Variants in USP6NL observed in about 807,000 individuals in gnomAD.
USP6NL encodes the protein USP6 N-terminal-like protein.
In USP6NL, 26 loss-of-function variants were observed where a neutral mutation model predicts 61.9. The ratio of observed to expected loss-of-function variants is 0.42; its 90% CI spans 0.31 to 0.58. The LOEUF (loss-of-function observed/expected upper bound fraction) is 0.58. Among genes scored for constraint, USP6NL ranks in the 20% least tolerant of loss-of-function variants. The probability of loss-of-function intolerance (pLI) is 0.16; values close to 1 mark genes in which losing one functional copy is unlikely to be tolerated. For synonymous variants in USP6NL, 432 were observed against 390.1 expected (o/e 1.11, Z -1.27); for missense variants, 1,114 against 1,034.3 (o/e 1.08, Z -1.06).
At chr10:11,475,483 C>A (rs1321600764) in intron 14 of USP6NL, among the ~76,000 whole-genome samples, 1 of 149,980 alleles carries the variant, frequency 6.7e-6, no homozygotes, top group African/African-American at 2.5e-5. Context: ...ATAATCCCAG[C>A]TATTTGGGAG....
Position 11,463,040 on chromosome 10 carries a change from G to A in USP6NL, c.1888C>T (p.Pro630Ser). The change falls in exon 15 of 15, where the codon CCC (proline) becomes TCC (serine). Residue 630 changes from proline (P) to serine (S), a missense_variant. By Grantham distance (74) the Pro-to-Ser change is moderately conservative. Transcript: ENST00000609104. The surrounding 1 kb of genome is among the most constrained non-coding windows in gnomAD (Gnocchi z 6.3). ...DGEARGLAHP[P>S]SYSNPPVYHG... Reference sequence around the variant, plus strand: ...TAAACGGGGGGATTGCTGTAGGAGGGGGGATGAGCTAGCCCTCGGGCTTCC... The same window carrying A: ...TAAACGGGGGGATTGCTGTAGGAGGAGGGATGAGCTAGCCCTCGGGCTTCC... The A allele has an allele frequency of 6.2e-7, 1 of 1,613,984 alleles. No individual in the cohort carries two copies. Among genetic ancestry groups the A allele is most frequent in the Non-Finnish European group, 8.5e-7 (1 of 1,179,890 alleles).
chr10:11,576,245 G>A (rs948080090), intron 2 of USP6NL, among the ~76,000 whole-genome samples: 1 of 152,160 alleles, frequency 6.6e-6, no homozygotes, highest in African/African-American at 2.4e-5. Context: ...TAAAAAATTA[G>A]ATCCTGACTC....
chr10:11,587,501 C>A lies in USP6NL; in HGVS notation c.4+10130G>T, dbSNP rs1838016401. ...TAATATGACCCATAAATCTCTACAG[C>A]CTAATCAGAATCAGAGTCTTAAAAT... is the stretch of plus-strand genomic sequence containing the variant. On this transcript the variant is annotated intron_variant, in intron 2 of 14. Coordinates refer to ENST00000609104, the MANE Select transcript of USP6NL (RefSeq NM_014688.5). This position sits in a 1 kb window ranked among gnomAD's most constrained non-coding sequence, Gnocchi z 4.5. 6.6e-6 allele frequency among the ~76,000 whole-genome samples: 1 copy of A among 152,104 alleles called. No individual in the cohort carries two copies. Among genetic ancestry groups the A allele is most frequent in the Non-Finnish European group, 1.5e-5 (1 of 68,010 alleles).
rs1591837373 is a variant in USP6NL at position 11,490,763 on chromosome 10, G to A, written c.543+69C>T. On this transcript the variant is annotated intron_variant, in intron 9 of 14. Transcript: ENST00000609104. The surrounding 1 kb of genome is among the most constrained non-coding windows in gnomAD (Gnocchi z 4.5). ...TCTGAGATGCAGAAATGTGCCCACA[G>A]GGCCCTGCTAAGTAGGGAGTACCTC... 3.4e-6 allele frequency: 5 copies of A among 1,450,144 alleles called. No individual in the cohort carries two copies. Among genetic ancestry groups the A allele is most frequent in the Admixed American group, 2.3e-5 (1 of 42,656 alleles). 89.8% of individuals were successfully genotyped at this position (1,450,144 alleles called of 1,614,324 possible). A position where few individuals can be genotyped will look rare whatever the true frequency, so the allele number is the denominator to read the frequency against.
intron 2 of USP6NL, among the ~76,000 whole-genome samples, chr10:11,554,108 A>T (rs1182426617): frequency 6.6e-6 from 1 of 152,176 alleles, no homozygotes; most frequent in Non-Finnish European, 1.5e-5. Context: ...TCCAGCCATC[A>T]CATTTGTATT....
chr10:11,582,350 C>G (rs980719252), intron 2 of USP6NL, among the ~76,000 whole-genome samples: 1 of 152,244 alleles, frequency 6.6e-6, no homozygotes, highest in African/African-American at 2.4e-5. Context: ...ATCCGCCCGC[C>G]TCAGTCTCCC....
chr10:11,521,299 TTATA>T (rs910894173), intron 4 of USP6NL, among the ~76,000 whole-genome samples: 8 of 147,790 alleles, frequency 5.4e-5, no homozygotes, highest in African/African-American at 9.8e-5. Context: ...GTAATCAAAA[TTATA>T]TATATAATAT....
At chr10:11,477,934 A>T (rs1251153620) in intron 14 of USP6NL, among the ~76,000 whole-genome samples, 1 of 152,248 alleles carries the variant, frequency 6.6e-6, no homozygotes, top group Non-Finnish European at 1.5e-5. Flanking sequence ...AATACTTTCT[A>T]GCTATTTTCT....
chr10:11,590,879 C>T (rs544653159), intron 2 of USP6NL, among the ~76,000 whole-genome samples: 2 of 152,060 alleles, frequency 1.3e-5, no homozygotes, highest in African/African-American at 4.8e-5. Context: ...GCCCCCAAAC[C>T]CTGAAAACTG....
intron 5 of USP6NL, among the ~76,000 whole-genome samples, chr10:11,514,319 G>T (rs1308565511): frequency 2.6e-5 from 4 of 151,700 alleles, no homozygotes; most frequent in Non-Finnish European, 5.9e-5. Flanking sequence ...AATCAATTAT[G>T]ACTGTGATGG....
At position 11,481,740 on chromosome 10, in the gene USP6NL, G is replaced by A. The variant is rs368621569; in HGVS notation, c.1078+30C>T. On this transcript the variant is annotated intron_variant, in intron 14 of 14. Coordinates refer to ENST00000609104, the MANE Select transcript of USP6NL (RefSeq NM_014688.5). This position sits in a 1 kb window ranked among gnomAD's most constrained non-coding sequence, Gnocchi z 4.4. Reference sequence around the variant, plus strand: ...CATGTCTTCCAATCTTAATTATAACGTAGATATAAAGTATTGGGGTAATTC... The same window carrying A: ...CATGTCTTCCAATCTTAATTATAACATAGATATAAAGTATTGGGGTAATTC... 4.6e-5 allele frequency: 72 copies of A among 1,566,078 alleles called. No homozygotes were observed. In the East Asian group the frequency reaches 5.6e-4, roughly 12 times the overall value.
intron 2 of USP6NL, among the ~76,000 whole-genome samples, chr10:11,558,339 T>G (rs1836796662): frequency 1.3e-5 from 2 of 152,222 alleles, no homozygotes; most frequent in African/African-American, 4.8e-5. Flanking sequence ...GTTCTGGCCC[T>G]TACTAAAAAG....
chr10:11,548,418 CTT>C lies in USP6NL; in HGVS notation c.5-20853_5-20852del, dbSNP rs953971593. ...CTTAATTAAAATATCTCAGACCTCT[CTT>C]AGAAGCTTTCTCAATCTCAATACAG... On this transcript the variant is annotated intron_variant, in intron 2 of 14. Transcript: ENST00000609104. The surrounding 1 kb of genome is among the most constrained non-coding windows in gnomAD (Gnocchi z 4.3). Among the ~76,000 whole-genome samples the C allele has an allele frequency of 3.9e-5, 6 of 152,152 alleles. No homozygotes were observed. Among genetic ancestry groups the C allele is most frequent in the African/African-American group, 1.4e-4 (6 of 41,448 alleles).
At chr10:11,580,185 T>A (rs552444370) in intron 2 of USP6NL, among the ~76,000 whole-genome samples, 1 of 152,318 alleles carries the variant, frequency 6.6e-6, no homozygotes, top group East Asian at 1.9e-4. Context: ...CTGAGTAACA[T>A]CTGAAGCTTT....
rs1306147500 is a variant in USP6NL, at chr10:11,549,043, C to T, written c.5-21476G>A. 5.1e-4 allele frequency among the ~76,000 whole-genome samples: 77 copies of T among 152,108 alleles called. 2 individuals carry two copies. Among genetic ancestry groups the T allele is most frequent in the Admixed American group, 4.9e-3 (75 of 15,268 alleles). ...ACCAGAATCTACCCATGCTTCTCTTCGGAGTCTAGTCTTCTGGTACCTTTT... is the reference window on the plus strand; with the variant it reads ...ACCAGAATCTACCCATGCTTCTCTTTGGAGTCTAGTCTTCTGGTACCTTTT... On this transcript the variant is annotated intron_variant, in intron 2 of 14. Coordinates refer to ENST00000609104, the MANE Select transcript of USP6NL (RefSeq NM_014688.5).
chr10:11,522,815 T>C (rs1046856089), intron 4 of USP6NL, among the ~76,000 whole-genome samples: 1 of 152,256 alleles, frequency 6.6e-6, no homozygotes, highest in African/African-American at 2.4e-5. Context: ...TTGTTCTGTA[T>C]TTCTCTTATT....
intron 14 of USP6NL, among the ~76,000 whole-genome samples, chr10:11,475,183 G>C (rs1165405335): frequency 6.6e-6 from 1 of 151,912 alleles, no homozygotes; most frequent in Non-Finnish European, 1.5e-5. Flanking sequence ...CAGAAAACTA[G>C]GAAGCATTTA....
chr10:11,493,592 A>G (rs1181174875), intron 7 of USP6NL, among the ~76,000 whole-genome samples: 1 of 152,214 alleles, frequency 6.6e-6, no homozygotes, highest in East Asian at 1.9e-4. Flanking sequence ...TTCCAGGATG[A>G]TGCTTTTGTT....
At chr10:11,467,253 A>G (rs1208359052) in intron 14 of USP6NL, among the ~76,000 whole-genome samples, 5 of 152,260 alleles carry the variant, frequency 3.3e-5, no homozygotes, top group Non-Finnish European at 5.9e-5. Flanking sequence ...GAAAAATTAA[A>G]TAAAGAATAT....
Sources: gnomAD v4.1 joint callset for allele counts (sites outside exome capture counted in the v4.1 genomes callset) on GRCh38, gnomAD v4.1.1 for gene constraint, Gnocchi (gnomAD v3.1) non-coding constraint, MANE v1.5 for transcripts, NCBI Gene and HGNC (gene_info 2026-07-23, HGNC 2026-07-21) for gene names.